The following ETFBKMT variants were observed in gnomAD, a reference collection of about 807,000 sequenced individuals.
ETFBKMT encodes the protein electron transfer flavoprotein subunit beta lysine methyltransferase, also known as electron transfer flavoprotein beta subunit lysine methyltransferase.
Under a neutral mutation model 18.3 loss-of-function variants are expected in ETFBKMT, and 13 were observed. The observed-to-expected ratio is 0.71, with a 90% CI of 0.46 to 1.13. ETFBKMT has a LOEUF of 1.13. Among genes scored for constraint, ETFBKMT ranks in the 50% most tolerant of loss-of-function variants. ETFBKMT has a pLI of 0.00. For missense variants in ETFBKMT, 293 were observed against 306.2 expected, an observed-to-expected ratio of 0.96 and a Z score of 0.32; for synonymous variants, 84 against 107.9, an observed-to-expected ratio of 0.78 and a Z score of 1.37.
intron 1 of ETFBKMT, among the ~76,000 whole-genome samples, chr12:31,651,931 G>A (rs1951021364): frequency 6.6e-6 from 1 of 152,184 alleles, no homozygotes; most frequent in Non-Finnish European, 1.5e-5. Flanking sequence ...ACGAGTGAAC[G>A]CAGGGAGGAA....
chr12:31,658,561 C>T (rs776317496), upstream of ETFBKMT, among the ~76,000 whole-genome samples: 48 of 152,158 alleles, frequency 3.2e-4, no homozygotes, highest in Non-Finnish European at 4.7e-4. Context: ...ATGGCAGGAG[C>T]GCAGAACCCA....
In ETFBKMT at chr12:31,670,720, C is replaced by T; in HGVS notation, c.*2730C>T. 6.6e-6 allele frequency: 1 copy of T among 152,040 alleles called. No homozygotes were observed. Among genetic ancestry groups the T allele is most frequent in the East Asian group, 1.9e-4 (1 of 5,196 alleles). 9.4% of individuals were successfully genotyped at this position (152,040 alleles called of 1,614,324 possible). Reference sequence around the variant, plus strand: ...ATTACTGGGTATTTCTTTCTTTCCTCCTTTATTTCTTTCCATATTTACTTA... The same window carrying T: ...ATTACTGGGTATTTCTTTCTTTCCTTCTTTATTTCTTTCCATATTTACTTA... On this transcript the variant is annotated 3_prime_UTR_variant, in exon 4 of 4. Transcript: ENST00000357721.
In ETFBKMT at chr12:31,669,763, A is replaced by T. The variant is rs904489149; in HGVS notation, c.*1773A>T. ...AGCAGAATAGGTTCAGAGTGACTGC[A>T]GGGTTGCCACACCTGGTTAGATAAC... On this transcript the variant is annotated 3_prime_UTR_variant, in exon 4 of 4. Coordinates refer to ENST00000357721, the MANE Select transcript of ETFBKMT (RefSeq NM_001135863.2). The T allele has an allele frequency of 1.3e-5, 2 of 151,962 alleles. No homozygotes were observed. Among genetic ancestry groups the T allele is most frequent in the African/African-American group, 4.8e-5 (2 of 41,360 alleles). The allele number at this position is 151,962 out of a possible 1,614,324, so 9.4% of individuals were successfully genotyped here. A position where few individuals can be genotyped will look rare whatever the true frequency, so the allele number is the denominator to read the frequency against.
upstream of ETFBKMT, chr12:31,659,157 A>T (rs1401597822): frequency 6.6e-6 from 1 of 152,216 alleles, no homozygotes; most frequent in African/African-American, 2.4e-5. Context: ...AGTGGAGGAG[A>T]AAGAAAGCGC....
upstream of ETFBKMT, among the ~76,000 whole-genome samples, chr12:31,655,380 G>A (rs1951053173): frequency 6.6e-6 from 1 of 152,108 alleles, no homozygotes; most frequent in Non-Finnish European, 1.5e-5. Flanking sequence ...ATTCTTTCCT[G>A]GCTCCTAAAC....
upstream of ETFBKMT, among the ~76,000 whole-genome samples, chr12:31,658,799 T>A (rs1951083964): frequency 6.6e-6 from 1 of 152,098 alleles, no homozygotes; most frequent in African/African-American, 2.4e-5. Context: ...TATATGTAGA[T>A]CCAGACTCGA....
In ETFBKMT at chr12:31,672,418, A is replaced by G. The variant is rs1157868742; in HGVS notation, c.*4428A>G. 11 of 1,388,924 alleles carry G rather than the reference A, an allele frequency of 7.9e-6. No homozygotes were observed. The highest frequency in any genetic ancestry group is 1.1e-5 in the Non-Finnish European group (11 of 999,488). The allele number at this position is 1,388,924 out of a possible 1,614,324, so 86.0% of individuals were successfully genotyped here. On this transcript the variant is annotated 3_prime_UTR_variant, in exon 4 of 4. Transcript: ENST00000357721. ...ATGACAATATATTAATTGACAATAA[A>G]AAATGTTTAATGTTTCCTCATGTCT...
At chr12:31,652,442 A>G (rs1177658541) in intron 1 of ETFBKMT, among the ~76,000 whole-genome samples, 1 of 152,032 alleles carries the variant, frequency 6.6e-6, no homozygotes, top group Non-Finnish European at 1.5e-5. Context: ...TTGTCTTATC[A>G]TTTCTTCATA....
Position 31,667,967 on chromosome 12 carries a change from A to G in ETFBKMT, c.766A>G (p.Thr256Ala). 1 of 1,613,770 alleles carries G rather than the reference A, an allele frequency of 6.2e-7. No homozygotes were observed. Among genetic ancestry groups the G allele is most frequent in the Middle Eastern group, 1.6e-4 (1 of 6,062 alleles). ...RQENSGLTTS[T>A]VWGFQP ...GGAAAACAGTGGACTGACAACAAGCACAGTGTGGGGTTTTCAGCCTTGAGT... is the reference window on the plus strand; with the variant it reads ...GGAAAACAGTGGACTGACAACAAGCGCAGTGTGGGGTTTTCAGCCTTGAGT... The change falls in exon 4 of 4, where the codon ACA becomes GCA. Residue 256 changes from threonine to alanine, a missense_variant. Coordinates refer to ENST00000357721, the MANE Select transcript of ETFBKMT (RefSeq NM_001135863.2).
rs574564194 is a variant in ETFBKMT, at chr12:31,672,401, A to G, written c.*4411A>G. 1.3e-6 allele frequency: 2 copies of G among 1,484,320 alleles called. No individual in the cohort carries two copies. The highest frequency in any genetic ancestry group is 2.4e-5 in the East Asian group (1 of 41,018). 91.9% of individuals were successfully genotyped at this position (1,484,320 alleles called of 1,614,324 possible). Reference sequence around the variant, plus strand: ...ATCTATAAAAGAAAACAATGACAATATATTAATTGACAATAAAAAATGTTT... The same window carrying G: ...ATCTATAAAAGAAAACAATGACAATGTATTAATTGACAATAAAAAATGTTT... On this transcript the variant is annotated 3_prime_UTR_variant, in exon 4 of 4. Coordinates refer to ENST00000357721, the MANE Select transcript of ETFBKMT (RefSeq NM_001135863.2).
chr12:31,651,138 A>G (rs191893718), intron 1 of ETFBKMT, among the ~76,000 whole-genome samples: 5 of 152,178 alleles, frequency 3.3e-5, no homozygotes, highest in African/African-American at 1.2e-4. Context: ...GTGCTCTTAC[A>G]CAAGGAACAA....
Position 31,650,626 on chromosome 12 carries a change from C to CTTTTTTTTTTTTTTTTT in ETFBKMT, c.-114+3371_-114+3372insTTTTTTTTTTTTTTTTT, listed in dbSNP as rs543201341. ...TGAGTGGAAGATTGAAATGACCTGACCTTTTTTTTTTTTTTTAAAGAATCA... is the reference window on the plus strand; with the variant it reads ...TGAGTGGAAGATTGAAATGACCTGACTTTTTTTTTTTTTTTTTCTTTTTTTTTTTTTTTAAAGAATCA... On this transcript the variant is annotated intron_variant, in intron 1 of 3. Coordinates refer to the ETFBKMT transcript ENST00000412352. Among the ~76,000 whole-genome samples the CTTTTTTTTTTTTTTTTT allele has an allele frequency of 2.3e-4, 32 of 140,706 alleles. 1 individual carries two copies. The highest frequency in any genetic ancestry group is 3.7e-4 in the Admixed American group (5 of 13,480). The allele number at this position is 140,706 out of a possible 152,430, so 92.3% of individuals were successfully genotyped here.
chr12:31,653,362 A>G (rs1230938082), intron 1 of ETFBKMT, among the ~76,000 whole-genome samples: 1 of 152,218 alleles, frequency 6.6e-6, no homozygotes. Context: ...TTATCAGTAG[A>G]TGGCACCACA....
At chr12:31,648,565 T>TC (rs1362576733) in intron 1 of ETFBKMT, among the ~76,000 whole-genome samples, 2 of 102,820 alleles carry the variant, frequency 1.9e-5, no homozygotes, top group Non-Finnish European at 4.9e-5. Flanking sequence ...TTCTTTTTTT[T>TC]TTTTTTTTTT....
chr12:31,652,936 C>CTT (rs1951029478), intron 1 of ETFBKMT, among the ~76,000 whole-genome samples: 2 of 152,228 alleles, frequency 1.3e-5, no homozygotes, highest in South Asian at 4.1e-4. Flanking sequence ...AGGCCGGTCG[C>CTT]GGTGGCTCAT....
intron 1 of ETFBKMT, among the ~76,000 whole-genome samples, chr12:31,652,017 G>A (rs1951021850): frequency 6.6e-6 from 1 of 152,156 alleles, no homozygotes; most frequent in Non-Finnish European, 1.5e-5. Flanking sequence ...GTAAGGAGCA[G>A]ACAAGATGGT....
chr12:31,667,274 C>G (rs866746924), intron 3 of ETFBKMT, among the ~76,000 whole-genome samples: 1 of 152,332 alleles, frequency 6.6e-6, no homozygotes, highest in South Asian at 2.1e-4. Flanking sequence ...GGATTATAGG[C>G]GTGAGCCACT....
rs761432760 is a variant in ETFBKMT, at chr12:31,662,128, A to C, written c.175A>C (p.Ser59Arg). Residue 59 changes from serine to arginine, a missense_variant, in exon 2 of 4, where the codon AGC becomes CGC. Transcript: ENST00000357721. ...CCTGGAGGAGAACACTGAAGTCACCAGCAGTGGTAGCCTCACCCCTGAAAT... is the reference window on the plus strand; with the variant it reads ...CCTGGAGGAGAACACTGAAGTCACCCGCAGTGGTAGCCTCACCCCTGAAAT... The part of the protein sequence containing the change: ...AFLEENTEVT[S>R]SGSLTPEIQL... The C allele has an allele frequency of 1.2e-6, 2 of 1,614,128 alleles. No individual in the cohort carries two copies. Among genetic ancestry groups the C allele is most frequent in the African/African-American group, 1.3e-5 (1 of 74,946 alleles).
upstream of ETFBKMT, among the ~76,000 whole-genome samples, chr12:31,657,347 A>G (rs1015583282): frequency 1.3e-5 from 2 of 152,216 alleles, no homozygotes; most frequent in African/African-American, 4.8e-5. Flanking sequence ...GGTCCTTTCT[A>G]TTAAGACATT....
Sources: gnomAD v4.1 joint callset for allele counts (sites outside exome capture counted in the v4.1 genomes callset) on GRCh38, gnomAD v4.1.1 for gene constraint, MANE v1.5 for transcripts, NCBI Gene and HGNC (gene_info 2026-07-23, HGNC 2026-07-21) for gene names.